The following KCNJ5 variants were observed in gnomAD, a reference collection of about 807,000 sequenced individuals.
KCNJ5 encodes the protein potassium inwardly rectifying channel subfamily J member 5.
Under a neutral mutation model 20.2 loss-of-function variants are expected in KCNJ5, and 12 were observed. The observed-to-expected ratio is 0.59, with a 90% confidence interval of 0.38 to 0.96. The LOEUF is 0.96. KCNJ5 is among the 40% of genes least tolerant of loss of function. The pLI, the probability that KCNJ5 is intolerant of heterozygous loss-of-function variation, is 0.00. For missense variants in KCNJ5, 449 were observed against 557.6 expected (o/e 0.81, Z 1.96); for synonymous variants, 210 against 213.9 (o/e 0.98, Z 0.16).
intron 1 of KCNJ5, chr11:128,903,371 C>CAA: frequency 6.2e-7 from 1 of 1,614,138 alleles, no homozygotes; most frequent in Non-Finnish European, 8.5e-7. Flanking sequence ...ACTCACCTCA[C>CAA]ACAGCCACAG....
At chr11:128,899,487 C>T (rs536376666) in intron 1 of KCNJ5, 2 of 152,286 alleles carry the variant, frequency 1.3e-5, no homozygotes, top group East Asian at 1.9e-4. Flanking sequence ...GCACTTCTAC[C>T]TCATCTTCCC....
rs199933419 is a variant in KCNJ5 at position 128,904,492 on chromosome 11, G to C, written c.-10-6772G>C. The C allele has an allele frequency of 1.4e-3, 2,197 of 1,590,244 alleles. 46 individuals are homozygous for C. The South Asian group carries it at 0.023, about 16-fold the overall frequency. ...GCATCAGCACGTTGTCCAGCTCCCA[G>C]CTGATGGCAGCGTGCGTCCAGGGCG... On this transcript the variant is annotated intron_variant, in intron 1 of 2. Transcript: ENST00000529694.
chr11:128,911,559 G>T lies in KCNJ5; in HGVS notation c.286G>T (p.Val96Phe). 1 of 1,614,210 alleles carries T rather than the reference G, an allele frequency of 6.2e-7. No individual in the cohort carries two copies. The highest frequency in any genetic ancestry group is 8.5e-7 in the Non-Finnish European group (1 of 1,180,036). Residue 96 changes from valine (V) to phenylalanine (F), a missense_variant, in exon 2 of 3, where the codon GTT becomes TTT. Physicochemically the swap from Val to Phe is conservative, Grantham distance 50. Around this residue, in one of 5 missense-constraint regions of KCNJ5, gnomAD observed 203 missense variants for 258.0 expected, o/e 0.79. Coordinates refer to ENST00000529694, the MANE Select transcript of KCNJ5 (RefSeq NM_000890.5). The surrounding 1 kb of genome is among the most constrained non-coding windows in gnomAD (Gnocchi z 6.3). ...CTTCAACTTGCTCGTCTTCACCATG[G>T]TTTACACTGTCACCTGGCTGTTCTT... Reference protein sequence around the residue: ...WRFNLLVFTMVYTVTWLFFGF... With the variant: ...WRFNLLVFTMFYTVTWLFFGF...
Position 128,902,773 on chromosome 11 carries a change from C to T in KCNJ5, c.-10-8491C>T, listed in dbSNP as rs1944311451. 3.9e-6 allele frequency: 6 copies of T among 1,522,500 alleles called. No homozygotes were observed. In the East Asian group the frequency reaches 9.1e-5, roughly 23 times the overall value. The allele number at this position is 1,522,500 out of a possible 1,614,324, so 94.3% of individuals were successfully genotyped here. A position where few individuals can be genotyped will look rare whatever the true frequency, so the allele number is the denominator to read the frequency against. On this transcript the variant is annotated intron_variant, in intron 1 of 2. Transcript: ENST00000529694. ...TCAGTGGCACTACCACAACTCTTAA[C>T]AGCACTCTCAGCCTAACTCACAACG... is the stretch of plus-strand genomic sequence containing the variant.
chr11:128,904,184 T>C (rs1249685293), intron 1 of KCNJ5, among the ~76,000 whole-genome samples: 1 of 152,170 alleles, frequency 6.6e-6, no homozygotes, highest in Non-Finnish European at 1.5e-5. Context: ...GCTGGAGCTA[T>C]TATTACTGTT....
chr11:128,902,542 G>A (rs1390395794), intron 1 of KCNJ5: 1 of 1,587,100 alleles, frequency 6.3e-7, no homozygotes, highest in South Asian at 1.1e-5. Flanking sequence ...CAGGGCTATT[G>A]GCAAGGAGAC....
At chr11:128,894,751 C>T (rs1017844481) in intron 1 of KCNJ5, among the ~76,000 whole-genome samples, 6 of 152,200 alleles carry the variant, frequency 3.9e-5, no homozygotes, top group African/African-American at 9.7e-5. Flanking sequence ...CTGGCGTGAG[C>T]GGCTGCCTCT....
In KCNJ5 at chr11:128,917,899, C is replaced by G. The variant is rs1137937; in HGVS notation, c.*1168C>G. On this transcript the variant is annotated 3_prime_UTR_variant, in exon 3 of 3. Coordinates refer to ENST00000529694, the MANE Select transcript of KCNJ5 (RefSeq NM_000890.5). ...TGAAACCCCGTCTCTACTGAAAATA[C>G]AAAAAATTAGCCAGGCATGGTGGCA... 0.18 allele frequency: 27,585 copies of G among 152,210 alleles called. 2,622 individuals are homozygous for G. The highest frequency in any genetic ancestry group is 0.25 in the Middle Eastern group (74 of 300). 9.4% of individuals were successfully genotyped at this position (152,210 alleles called of 1,614,324 possible). A position where few individuals can be genotyped will look rare whatever the true frequency, so the allele number is the denominator to read the frequency against.
At chr11:128,912,349 G>A (rs1246095097) in intron 2 of KCNJ5, 139 bp downstream of exon 2, 3 of 751,254 alleles carry the variant, frequency 4.0e-6, no homozygotes, top group Non-Finnish European at 7.1e-6. Context: ...CTAAATTGTG[G>A]TTTGAGGGGT....
intron 2 of KCNJ5, among the ~76,000 whole-genome samples, chr11:128,912,427 G>T (rs961086263): frequency 6.6e-6 from 1 of 152,218 alleles, no homozygotes; most frequent in African/African-American, 2.4e-5. Flanking sequence ...TTCAGGCACT[G>T]TCCTAAACAA....
chr11:128,900,578 C>T (rs2846699), intron 1 of KCNJ5: 91,067 of 151,910 alleles, frequency 0.6, 28,570 homozygotes, highest in African/African-American at 0.79. Context: ...TTGCCCCATT[C>T]AGCACCAGCC....
intron 1 of KCNJ5, chr11:128,904,731 C>A: frequency 3.5e-6 from 2 of 579,690 alleles, no homozygotes; most frequent in Admixed American, 6.1e-5. Flanking sequence ...ATTCAAACAC[C>A]CAGTGGGTGT....
chr11:128,911,273 T>C lies in KCNJ5; in HGVS notation c.-1T>C. On this transcript the variant is annotated 5_prime_UTR_variant, in exon 2 of 3. Transcript: ENST00000529694. This position sits in a 1 kb window ranked among gnomAD's most constrained non-coding sequence, Gnocchi z 6.3. Reference sequence around the variant, plus strand: ...TCTTTTTAACTCAAAGCATCCCAGCTATGGCTGGCGATTCTAGGAATGCCA... The same window carrying C: ...TCTTTTTAACTCAAAGCATCCCAGCCATGGCTGGCGATTCTAGGAATGCCA... The C allele has an allele frequency of 6.2e-7, 1 of 1,613,322 alleles. No individual in the cohort carries two copies.
intron 1 of KCNJ5, among the ~76,000 whole-genome samples, chr11:128,894,493 A>G (rs1944141581): frequency 6.6e-6 from 1 of 152,212 alleles, no homozygotes; most frequent in Non-Finnish European, 1.5e-5. Context: ...AGTGTTTCCA[A>G]GTGCGGATCT....
At chr11:128,898,535 G>A (rs1227752465) in intron 1 of KCNJ5, among the ~76,000 whole-genome samples, 1 of 152,202 alleles carries the variant, frequency 6.6e-6, no homozygotes, top group African/African-American at 2.4e-5. Context: ...CCTTCAGCTG[G>A]GTCTCTCATC....
chr11:128,911,675 T>C lies in KCNJ5; in HGVS notation c.402T>C (p.Ser134=). ...GGATTCCTTGTGTTGAAAACCTCAG[T>C]GGCTTCGTGTCCGCTTTCCTGTTCT... ...QEWIPCVENL[S]GFVSAFLFSI... The change falls in exon 2 of 3, where the codon AGT becomes AGC. Residue 134 remains serine (S), a synonymous_variant. Coordinates refer to ENST00000529694, the MANE Select transcript of KCNJ5 (RefSeq NM_000890.5). The surrounding 1 kb of genome is among the most constrained non-coding windows in gnomAD (Gnocchi z 6.3). The C allele has an allele frequency of 6.2e-7, 1 of 1,614,214 alleles. No individual in the cohort carries two copies.
chr11:128,895,842 G>A (rs1944168772), intron 1 of KCNJ5, among the ~76,000 whole-genome samples: 1 of 152,220 alleles, frequency 6.6e-6, no homozygotes. Context: ...AGGCTTCTAA[G>A]GGGGCTTGAG....
rs571195041 is a variant in KCNJ5 at position 128,898,013 on chromosome 11, T to C, written c.-11+6292T>C. Among the ~76,000 whole-genome samples the C allele has an allele frequency of 3.3e-5, 5 of 152,370 alleles. No individual in the cohort carries two copies. In the South Asian group the frequency reaches 6.2e-4, roughly 19 times the overall value. On this transcript the variant is annotated intron_variant, in intron 1 of 2. Coordinates refer to ENST00000529694, the MANE Select transcript of KCNJ5 (RefSeq NM_000890.5). The stretch of plus-strand genomic sequence containing the variant: ...TCTGTTCCATCAATCTATGTGTCTA[T>C]CCTTCTGCCAATACCACATAGTCTG...
rs1247271903 is a variant in KCNJ5 at position 128,918,346 on chromosome 11, A to G, written c.*1615A>G. On this transcript the variant is annotated 3_prime_UTR_variant, in exon 3 of 3. Coordinates refer to ENST00000529694, the MANE Select transcript of KCNJ5 (RefSeq NM_000890.5). ...GCAGGGTGAGTGTTAAGAAAAAAAG[A>G]GTAGAGAAGAGCCTGAAAATCAGCA... is the stretch of plus-strand genomic sequence containing the variant. 2 of 152,182 alleles carry G rather than the reference A, an allele frequency of 1.3e-5. No individual in the cohort carries two copies. Among genetic ancestry groups the G allele is most frequent in the Non-Finnish European group, 2.9e-5 (2 of 68,050 alleles). 9.4% of individuals were successfully genotyped at this position (152,182 alleles called of 1,614,324 possible).
Sources: gnomAD v4.1 joint callset for allele counts (sites outside exome capture counted in the v4.1 genomes callset) on GRCh38, gnomAD v4.1.1 for gene constraint, gnomAD v4.1.1 regional missense constraint, Gnocchi (gnomAD v3.1) non-coding constraint, MANE v1.5 for transcripts, NCBI Gene and HGNC (gene_info 2026-07-23, HGNC 2026-07-21) for gene names.